The following NEDD4L variants were observed in gnomAD, a reference collection of about 807,000 sequenced individuals.
NEDD4L encodes the protein NEDD4 like E3 ubiquitin protein ligase.
In NEDD4L, 54 loss-of-function variants were observed where a neutral mutation model predicts 148.9. The ratio of observed to expected loss-of-function variants is 0.36; its 90% confidence interval spans 0.29 to 0.45. The LOEUF is 0.45. Ranked by LOEUF, NEDD4L falls within the 20% of genes least tolerant of loss-of-function variation. The pLI, the probability that NEDD4L is intolerant of heterozygous loss-of-function variation, is 1.00. For missense variants in NEDD4L, 856 were observed against 1,233.8 expected, an observed-to-expected ratio of 0.69 and a Z score of 4.59; for synonymous variants, 433 against 440.7, an observed-to-expected ratio of 0.98 and a Z score of 0.22.
chr18:58,255,386 C>A, intron 5 of NEDD4L: 1 of 542,460 alleles, frequency 1.8e-6, no homozygotes, highest in Non-Finnish European at 2.7e-6. Flanking sequence ...AGGGGGAGAG[C>A]GCGGTCATGT....
intron 1 of NEDD4L, among the ~76,000 whole-genome samples, chr18:58,079,082 CGTGTCTGCGGG>C (rs2083310780): frequency 6.6e-6 from 1 of 152,126 alleles, no homozygotes; most frequent in African/African-American, 2.4e-5. Flanking sequence ...CGAAGACACC[CGTGTCTGCGGG>C]GTGTGTGTGA....
intron 2 of NEDD4L, among the ~76,000 whole-genome samples, chr18:58,191,118 A>G (rs1279967880): frequency 1.3e-5 from 2 of 152,228 alleles, no homozygotes; most frequent in African/African-American, 4.8e-5. Context: ...CTGTCTCTAA[A>G]AGTATAATAT....
chr18:58,051,290 C>G (rs1174622237), intron 1 of NEDD4L, among the ~76,000 whole-genome samples: 2 of 152,090 alleles, frequency 1.3e-5, no homozygotes. Flanking sequence ...AAGATCACCC[C>G]AAAGAAGAAC....
chr18:58,380,437 G>A (rs1159427666), intron 24 of NEDD4L, among the ~76,000 whole-genome samples: 7 of 151,996 alleles, frequency 4.6e-5, no homozygotes, highest in Admixed American at 2.0e-4. Flanking sequence ...TCCTGCCCAA[G>A]CCTCCTGAGT....
intron 2 of NEDD4L, 100 bp downstream of exon 2, chr18:58,165,961 A>C (rs970647110): frequency 5.1e-6 from 5 of 976,788 alleles, no homozygotes; most frequent in South Asian, 3.0e-5. Flanking sequence ...ACTTCTTAAG[A>C]CAAAGCTGGC....
chr18:58,362,048 G>A (rs2045556929), intron 19 of NEDD4L, among the ~76,000 whole-genome samples: 1 of 152,194 alleles, frequency 6.6e-6, no homozygotes, highest in South Asian at 2.1e-4. Context: ...GAATGCAAGA[G>A]GAAGACAGTG....
chr18:58,262,299 C>T (rs1274208704), intron 5 of NEDD4L, among the ~76,000 whole-genome samples: 1 of 152,180 alleles, frequency 6.6e-6, no homozygotes, highest in South Asian at 2.1e-4. Flanking sequence ...CAGTGCCAGG[C>T]CCTGGACTTC....
chr18:58,390,716 C>G lies in NEDD4L; in HGVS notation c.2726C>G (p.Pro909Arg). ...LQFVTGTSRV[P>R]MNGFAELYGS... ...TTTGTCACAGGGACATCGCGAGTAC[C>G]TATGAATGGATTTGCCGAACTTTAT... The change falls in exon 29 of 31, where the codon CCT becomes CGT. Residue 909 changes from proline to arginine, a missense_variant. Pro to Arg is a moderately radical substitution (Grantham distance 103). Transcript: ENST00000400345. 6.3e-7 allele frequency: 1 copy of G among 1,598,580 alleles called. No homozygotes were observed. Among genetic ancestry groups the G allele is most frequent in the Non-Finnish European group, 8.5e-7 (1 of 1,171,732 alleles).
At chr18:58,191,732 T>A (rs1401733099) in intron 2 of NEDD4L, among the ~76,000 whole-genome samples, 1 of 152,192 alleles carries the variant, frequency 6.6e-6, no homozygotes, top group Non-Finnish European at 1.5e-5. Context: ...TAATTGGTGA[T>A]TTCAGAAAAG....
intron 1 of NEDD4L, among the ~76,000 whole-genome samples, chr18:58,060,610 G>A (rs2082289612): frequency 6.6e-6 from 1 of 152,162 alleles, no homozygotes; most frequent in African/African-American, 2.4e-5. Context: ...AAAAAGGGAG[G>A]TGTCTAGAAT....
At chr18:58,112,910 G>A (rs79227801) in intron 1 of NEDD4L, among the ~76,000 whole-genome samples, 2 of 152,192 alleles carry the variant, frequency 1.3e-5, no homozygotes, top group African/African-American at 4.8e-5. Context: ...ACGTGATTAG[G>A]TCCTGAGGGT....
intron 1 of NEDD4L, chr18:58,046,893 C>G (rs1598910309): frequency 6.6e-6 from 1 of 152,208 alleles, no homozygotes; most frequent in East Asian, 1.9e-4. Context: ...TTTCAACTTT[C>G]TCCTACCAGT....
At chr18:58,095,527 A>G (rs1425556372) in intron 1 of NEDD4L, among the ~76,000 whole-genome samples, 1 of 151,414 alleles carries the variant, frequency 6.6e-6, no homozygotes, top group African/African-American at 2.4e-5. Context: ...GGGGCCTTGC[A>G]GGGCTCAGTC....
At chr18:58,096,356 ATTTTAT>A (rs2084399632) in intron 1 of NEDD4L, among the ~76,000 whole-genome samples, 2 of 34,766 alleles carry the variant, frequency 5.8e-5, no homozygotes, top group African/African-American at 3.4e-4. Flanking sequence ...TATTTATTTT[ATTTTAT>A]TTTATTTTAT....
At chr18:58,325,228 G>A (rs1446102898) in intron 9 of NEDD4L, 66 bp downstream of exon 9, 17 of 1,569,860 alleles carry the variant, frequency 1.1e-5, no homozygotes, top group Non-Finnish European at 1.4e-5. Flanking sequence ...AAATATGGCG[G>A]CCCTTTGGGA....
At chr18:58,171,418 C>T (rs2037483768) in intron 2 of NEDD4L, among the ~76,000 whole-genome samples, 1 of 126,020 alleles carries the variant, frequency 7.9e-6, no homozygotes, top group Admixed American at 7.5e-5. Flanking sequence ...CACCCCAGCC[C>T]AAGAGGACAG....
At chr18:58,292,029 G>A (rs1445990720) in intron 5 of NEDD4L, among the ~76,000 whole-genome samples, 1 of 152,190 alleles carries the variant, frequency 6.6e-6, no homozygotes, top group Admixed American at 6.5e-5. Flanking sequence ...CCTGGGAAAA[G>A]TACCACAAAA....
intron 1 of NEDD4L, among the ~76,000 whole-genome samples, chr18:58,111,116 G>A (rs376703687): frequency 3.3e-5 from 5 of 152,164 alleles, no homozygotes; most frequent in African/African-American, 9.7e-5. Context: ...CGCCCAGGCT[G>A]GAGTGGAGTG....
At chr18:58,362,677 ATGTAC>A (rs1419582499) in intron 19 of NEDD4L, among the ~76,000 whole-genome samples, 4 of 152,158 alleles carry the variant, frequency 2.6e-5, no homozygotes, top group Non-Finnish European at 4.4e-5. Context: ...CCTTTGGTTT[ATGTAC>A]TGTTATTTTT....
Sources: gnomAD v4.1 joint callset for allele counts (sites outside exome capture counted in the v4.1 genomes callset) on GRCh38, gnomAD v4.1.1 for gene constraint, MANE v1.5 for transcripts, NCBI Gene and HGNC (gene_info 2026-07-23, HGNC 2026-07-21) for gene names.